STON1: variants seen among roughly 807,000 people sequenced by gnomAD.
STON1 encodes the protein stonin 1.
Under a neutral mutation model 60.9 loss-of-function variants are expected in STON1, and 79 were observed. The observed-to-expected ratio is 1.30, with a 90% CI of 1.08 to 1.56. The LOEUF is 1.56. Ranked by LOEUF, STON1 falls within the 40% of genes most tolerant of loss-of-function variation. The pLI is 0.00. For synonymous variants in STON1, 363 were observed against 306.9 expected, an observed-to-expected ratio of 1.18 and a Z score of -1.91; for missense variants, 1,166 against 858.9, an observed-to-expected ratio of 1.36 and a Z score of -4.47.
In STON1 at chr2:48,582,564, G is replaced by C; in HGVS notation, c.1930+1G>C. The C allele has an allele frequency of 6.2e-7, 1 of 1,604,748 alleles. No homozygotes were observed. The highest frequency in any genetic ancestry group is 8.5e-7 in the Non-Finnish European group (1 of 1,176,224). On this transcript the variant is annotated splice_donor_variant, in intron 2 of 3. Transcript: ENST00000404752. LOFTEE classifies it high-confidence loss of function. The stretch of plus-strand genomic sequence containing the variant: ...GATCGGCTTCCAGACAAAAATTCAA[G>C]TAAATATTCAACACCCCAAGTTTAT...
chr2:48,595,205 T>A (rs1408754733), intron 3 of STON1, 23 bp from the exon 4 acceptor site: 2 of 1,585,514 alleles, frequency 1.3e-6, no homozygotes, highest in Admixed American at 3.3e-5. Context: ...TAATGCTGCC[T>A]GTGTTTTGCT....
At chr2:48,571,210 A>T (rs969201243) in intron 1 of STON1, among the ~76,000 whole-genome samples, 1 of 152,140 alleles carries the variant, frequency 6.6e-6, no homozygotes, top group African/African-American at 2.4e-5. Flanking sequence ...GGTATTCCAG[A>T]TTGAAAGTAG....
intron 2 of STON1, among the ~76,000 whole-genome samples, chr2:48,591,383 T>C (rs1357571725): frequency 6.6e-6 from 1 of 151,808 alleles, no homozygotes; most frequent in African/African-American, 2.4e-5. Context: ...TAGTAATATA[T>C]TTTTTATTTT....
chr2:48,551,439 ACCCTGC>A (rs145572740), intron 1 of STON1, among the ~76,000 whole-genome samples: 2 of 152,022 alleles, frequency 1.3e-5, no homozygotes, highest in African/African-American at 4.8e-5. Flanking sequence ...AGCCCCTCTG[ACCCTGC>A]CCCTGCCCCT....
intron 2 of STON1, among the ~76,000 whole-genome samples, chr2:48,589,093 A>G (rs906344379): frequency 2.6e-5 from 4 of 152,124 alleles, no homozygotes; most frequent in African/African-American, 9.7e-5. Context: ...GGAGCAATTA[A>G]ATATATCTAC....
intron 1 of STON1, among the ~76,000 whole-genome samples, chr2:48,576,405 G>T (rs1452575288): frequency 6.6e-6 from 1 of 151,074 alleles, no homozygotes; most frequent in East Asian, 2.0e-4. Context: ...GGCCAGACTG[G>T]TCTTGAACTC....
intron 3 of STON1, 59 bp downstream of exon 3, chr2:48,591,914 G>C: frequency 6.4e-7 from 1 of 1,574,066 alleles, no homozygotes; most frequent in Non-Finnish European, 8.6e-7. Flanking sequence ...TTGTTTTGCT[G>C]TCTTTTGTGA....
chr2:48,538,134 T>A (rs1357060737), intron 1 of STON1, among the ~76,000 whole-genome samples: 1 of 151,938 alleles, frequency 6.6e-6, no homozygotes, highest in Non-Finnish European at 1.5e-5. Context: ...ATTTTTTGTA[T>A]TTTTAGTAGA....
At chr2:48,564,410 CTTCT>C (rs1558603862) in intron 1 of STON1, among the ~76,000 whole-genome samples, 10 of 26,104 alleles carry the variant, frequency 3.8e-4, no homozygotes, top group African/African-American at 8.5e-4. Context: ...GCGGTGTCTT[CTTCT>C]TCTTCTTCTT....
At position 48,581,748 on chromosome 2, in the gene STON1, T is replaced by C; in HGVS notation, c.1115T>C (p.Ile372Thr). ...ACAGAAGTAGTTCATGAACCTGACATAGAGCAGATGCTGAAGTTGGGGTCC... is the reference window on the plus strand; with the variant it reads ...ACAGAAGTAGTTCATGAACCTGACACAGAGCAGATGCTGAAGTTGGGGTCC... ...SKTEVVHEPD[I>T]EQMLKLGSTS... Residue 372 changes from isoleucine (I) to threonine (T), a missense_variant, in exon 2 of 4, where the codon ATA becomes ACA. Ile to Thr is a moderately conservative substitution (Grantham distance 89, BLOSUM62 -1). Coordinates refer to ENST00000404752, the MANE Select transcript of STON1 (RefSeq NM_006873.4). The C allele has an allele frequency of 6.2e-7, 1 of 1,613,324 alleles. No individual in the cohort carries two copies. Among genetic ancestry groups the C allele is most frequent in the Non-Finnish European group, 8.5e-7 (1 of 1,179,878 alleles).
In STON1 at chr2:48,579,820, C is replaced by A. The variant is rs549245462; in HGVS notation, c.-47-767C>A. 5.3e-5 allele frequency among the ~76,000 whole-genome samples: 8 copies of A among 152,220 alleles called. No individual in the cohort carries two copies. In the South Asian group the frequency reaches 1.5e-3, roughly 28 times the overall value. ...TGTTGAAAGTATGGTGTTGAAATCT[C>A]CAATTATTAGTGGGTGGCTATCTAT... is the stretch of plus-strand genomic sequence containing the variant. On this transcript the variant is annotated intron_variant, in intron 1 of 3. Coordinates refer to ENST00000404752, the MANE Select transcript of STON1 (RefSeq NM_006873.4).
intron 2 of STON1, among the ~76,000 whole-genome samples, chr2:48,589,197 C>G (rs1018726827): frequency 3.3e-5 from 5 of 152,188 alleles, no homozygotes; most frequent in Non-Finnish European, 2.9e-5. Flanking sequence ...CTGTCATCCT[C>G]TTGCTATTCT....
chr2:48,536,832 A>C (rs1367747179), intron 1 of STON1, among the ~76,000 whole-genome samples: 1 of 152,118 alleles, frequency 6.6e-6, no homozygotes, highest in Non-Finnish European at 1.5e-5. Flanking sequence ...TTCCCCTATA[A>C]ATGTCTTCTA....
At chr2:48,546,331 G>C (rs1671865335) in intron 1 of STON1, among the ~76,000 whole-genome samples, 1 of 152,196 alleles carries the variant, frequency 6.6e-6, no homozygotes, top group African/African-American at 2.4e-5. Context: ...CAGCTTGGCT[G>C]TCTCCCTGCA....
chr2:48,560,111 C>G (rs904064585), intron 1 of STON1, among the ~76,000 whole-genome samples: 1 of 152,148 alleles, frequency 6.6e-6, no homozygotes, highest in Non-Finnish European at 1.5e-5. Context: ...TCATAGCAAA[C>G]TGATTGGTTT....
chr2:48,553,355 C>CCTTCCCTTCT (rs1672180276), intron 1 of STON1, among the ~76,000 whole-genome samples: 1 of 150,482 alleles, frequency 6.6e-6, no homozygotes, highest in African/African-American at 2.5e-5. Context: ...TAGACCCTTC[C>CCTTCCCTTCT]CTTCCCTTCT....
At chr2:48,589,211 C>A (rs2103949140) in intron 2 of STON1, among the ~76,000 whole-genome samples, 2 of 152,178 alleles carry the variant, frequency 1.3e-5, no homozygotes, top group Admixed American at 1.3e-4. Flanking sequence ...CTATTCTTTC[C>A]CTTCGGCCCT....
In STON1 at chr2:48,564,543, CTTCTTCTTCTTCTT is replaced by C. The variant is rs1558605406; in HGVS notation, c.-47-16043_-47-16030del. 4.2e-4 allele frequency among the ~76,000 whole-genome samples: 22 copies of C among 52,680 alleles called. 2 individuals are homozygous for C. The highest frequency in any genetic ancestry group is 1.5e-3 in the African/African-American group (22 of 14,492). The allele number at this position is 52,680 out of a possible 152,430, so 34.6% of individuals were successfully genotyped here. A position where few individuals can be genotyped will look rare whatever the true frequency, so the allele number is the denominator to read the frequency against. ...TCTTCTTCTTCTTCTTCTTCTTCTT[CTTCTTCTTCTTCTT>C]CTTCTTCTTCTCCTTCTCCTTCTCC... is the stretch of plus-strand genomic sequence containing the variant. On this transcript the variant is annotated intron_variant, in intron 1 of 3. Transcript: ENST00000404752.
chr2:48,561,855 A>G (rs1672627300), intron 1 of STON1, among the ~76,000 whole-genome samples: 1 of 151,930 alleles, frequency 6.6e-6, no homozygotes, highest in Non-Finnish European at 1.5e-5. Context: ...AAGTTCCCAC[A>G]TTACTTTTAT....
Sources: gnomAD v4.1 joint callset for allele counts (sites outside exome capture counted in the v4.1 genomes callset) on GRCh38, gnomAD v4.1.1 for gene constraint, MANE v1.5 for transcripts, NCBI Gene and HGNC (gene_info 2026-07-23, HGNC 2026-07-21) for gene names.